Variants in TMEM132D observed in about 807,000 individuals in gnomAD.
TMEM132D encodes mature OL transmembrane protein.
In TMEM132D, 21 loss-of-function variants were observed where a neutral mutation model predicts 62.3. The observed-to-expected ratio is 0.34, with a 90% CI of 0.24 to 0.49. The LOEUF (loss-of-function observed/expected upper bound fraction) is 0.49. Among genes scored for constraint, TMEM132D ranks in the 20% least tolerant of loss-of-function variants. The probability of loss-of-function intolerance (pLI) is 0.99; values close to 1 mark genes in which losing one functional copy is unlikely to be tolerated. For missense variants in TMEM132D, 1,346 were observed against 1,402.8 expected, an observed-to-expected ratio of 0.96 and a Z score of 0.65; for synonymous variants, 621 against 575.6, an observed-to-expected ratio of 1.08 and a Z score of -1.13.
chr12:129,765,029 G>T (rs1005556473), intron 1 of TMEM132D, among the ~76,000 whole-genome samples: 1 of 152,190 alleles, frequency 6.6e-6, no homozygotes, highest in African/African-American at 2.4e-5. Context: ...TTGTCAGGCA[G>T]CAGCTAGCCC....
rs1346893730 is a variant in TMEM132D, at chr12:129,081,894, G to A, written c.1788C>T (p.His596=). ...EAAGPGGHLA[H]LLGSDWQVDI... ...CCACTTGCCAGTCTGAGCCCAGCAG[G>A]TGGGCCAGGTGTCCCCCAGGGCCGG... Residue 596 remains histidine, a synonymous_variant, in exon 7 of 9, where the codon CAC becomes CAT. Coordinates refer to ENST00000422113, the MANE Select transcript of TMEM132D (RefSeq NM_133448.3). 3 of 1,614,074 alleles carry A rather than the reference G, an allele frequency of 1.9e-6. No individual in the cohort carries two copies. The highest frequency in any genetic ancestry group is 2.5e-6 in the Non-Finnish European group (3 of 1,180,038).
chr12:129,589,708 G>A (rs141353881), intron 2 of TMEM132D, among the ~76,000 whole-genome samples: 4 of 152,250 alleles, frequency 2.6e-5, no homozygotes, highest in East Asian at 3.9e-4. Flanking sequence ...AAAGCTTATC[G>A]TCATGGGTGG....
chr12:129,784,889 T>C (rs190526035), intron 1 of TMEM132D, among the ~76,000 whole-genome samples: 7 of 152,306 alleles, frequency 4.6e-5, no homozygotes, highest in Non-Finnish European at 8.8e-5. Context: ...GGCAATTTTC[T>C]GAGGGATGGA....
chr12:129,152,876 A>G (rs1378884829), intron 5 of TMEM132D, among the ~76,000 whole-genome samples: 2 of 152,076 alleles, frequency 1.3e-5, no homozygotes, highest in Non-Finnish European at 1.5e-5. Context: ...CACTGGTGAG[A>G]GAGGGGAGAT....
At chr12:129,637,626 T>A (rs1322325824) in intron 2 of TMEM132D, among the ~76,000 whole-genome samples, 1 of 152,160 alleles carries the variant, frequency 6.6e-6, no homozygotes, top group African/African-American at 2.4e-5. Context: ...CTAGCCATGC[T>A]TCCTGTAAAG....
intron 2 of TMEM132D, among the ~76,000 whole-genome samples, chr12:129,648,345 C>G (rs576735207): frequency 1.3e-5 from 2 of 152,290 alleles, no homozygotes; most frequent in Admixed American, 6.5e-5. Flanking sequence ...AATCCGCATT[C>G]CCTATTCCCT....
intron 1 of TMEM132D, among the ~76,000 whole-genome samples, chr12:129,811,373 T>TC (rs1400127589): frequency 1.3e-5 from 2 of 151,468 alleles, no homozygotes; most frequent in African/African-American, 4.9e-5. Flanking sequence ...CTCCAGCCCC[T>TC]CCCTCCATCC....
At chr12:129,256,555 G>C (rs1880404983) in intron 4 of TMEM132D, among the ~76,000 whole-genome samples, 1 of 152,140 alleles carries the variant, frequency 6.6e-6, no homozygotes, top group Admixed American at 6.5e-5. Flanking sequence ...CCTAGTAGCT[G>C]GGATTACAGG....
At chr12:129,119,580 G>A (rs932316923) in intron 5 of TMEM132D, among the ~76,000 whole-genome samples, 1 of 152,174 alleles carries the variant, frequency 6.6e-6, no homozygotes, top group Non-Finnish European at 1.5e-5. Flanking sequence ...CTAAAATTAG[G>A]AGCAACCTGA....
intron 2 of TMEM132D, among the ~76,000 whole-genome samples, chr12:129,613,468 G>C (rs1045692642): frequency 6.6e-6 from 1 of 152,134 alleles, no homozygotes; most frequent in African/African-American, 2.4e-5. Context: ...GATAAGACTG[G>C]AGAAGGCACA....
At chr12:129,666,086 C>G (rs961746777) in intron 2 of TMEM132D, among the ~76,000 whole-genome samples, 1 of 152,152 alleles carries the variant, frequency 6.6e-6, no homozygotes, top group Non-Finnish European at 1.5e-5. Context: ...GCTGTCTTCT[C>G]CCAAAGTATT....
chr12:129,256,807 C>T (rs1021122564), intron 4 of TMEM132D, among the ~76,000 whole-genome samples: 3 of 152,180 alleles, frequency 2.0e-5, no homozygotes, highest in African/African-American at 7.2e-5. Flanking sequence ...GTGATCCACC[C>T]GCTTTGACCT....
intron 3 of TMEM132D, among the ~76,000 whole-genome samples, chr12:129,428,010 A>G (rs879888575): frequency 1.3e-4 from 20 of 152,170 alleles, no homozygotes; most frequent in Non-Finnish European, 2.8e-4. Context: ...CACTTCTATA[A>G]AAATTCATAT....
intron 5 of TMEM132D, chr12:129,085,100 G>C (rs910852254): frequency 3.6e-6 from 1 of 278,226 alleles, no homozygotes; most frequent in Non-Finnish European, 6.7e-6. Flanking sequence ...TGACTACCTG[G>C]TGGGGTGAGA....
chr12:129,795,449 A>AT (rs1464723655), intron 1 of TMEM132D, among the ~76,000 whole-genome samples: 1 of 152,246 alleles, frequency 6.6e-6, no homozygotes, highest in Admixed American at 6.5e-5. Context: ...AAAAAATTTA[A>AT]TGTTGACCAA....
chr12:129,767,387 G>A (rs1870585733), intron 1 of TMEM132D, among the ~76,000 whole-genome samples: 1 of 151,932 alleles, frequency 6.6e-6, no homozygotes, highest in East Asian at 2.0e-4. Flanking sequence ...GTGATCCACA[G>A]CTTTCCCTAC....
intron 4 of TMEM132D, among the ~76,000 whole-genome samples, chr12:129,236,112 G>A (rs967586341): frequency 2.3e-5 from 3 of 129,980 alleles, no homozygotes; most frequent in African/African-American, 8.7e-5. Context: ...TTTTGTGTGT[G>A]TGTGTGTGTG....
intron 1 of TMEM132D, among the ~76,000 whole-genome samples, chr12:129,825,183 ATT>A (rs544055609): frequency 1.5e-4 from 21 of 137,924 alleles, no homozygotes; most frequent in East Asian, 2.1e-4. Context: ...TAATTTTTGT[ATT>A]TTTTTTTTTT....
rs1875616544 is a variant in TMEM132D, at chr12:129,514,528, AC to A, written c.1115+16530del. ...TTCTTAGAACATCAATAGTATGTGC[AC>A]CCATCTCTGATCATGCTAACCTCAG... On this transcript the variant is annotated intron_variant, in intron 3 of 8. Coordinates refer to ENST00000422113, the MANE Select transcript of TMEM132D (RefSeq NM_133448.3). 2.0e-5 allele frequency among the ~76,000 whole-genome samples: 3 copies of A among 152,288 alleles called. No individual in the cohort carries two copies. The South Asian group carries it at 6.2e-4, about 32-fold the overall frequency.
Sources: gnomAD v4.1 joint callset for allele counts (sites outside exome capture counted in the v4.1 genomes callset) on GRCh38, gnomAD v4.1.1 for gene constraint, MANE v1.5 for transcripts, NCBI Gene and HGNC (gene_info 2026-07-23, HGNC 2026-07-21) for gene names.